Variants in E4F1 observed in about 807,000 individuals in gnomAD.
E4F1 encodes E4F transcription factor 1.
In E4F1, 30 loss-of-function variants were observed where a neutral mutation model predicts 72.9. The observed-to-expected ratio is 0.41, with a 90% CI of 0.31 to 0.56. The LOEUF (loss-of-function observed/expected upper bound fraction) is 0.56, where lower values mean the gene tolerates loss of function less well. E4F1 is among the 20% of genes least tolerant of loss of function. The probability of loss-of-function intolerance (pLI) is 0.25; values close to 1 mark genes in which losing one functional copy is unlikely to be tolerated. For synonymous variants in E4F1, 542 were observed against 478.2 expected (o/e 1.13, Z -1.74); for missense variants, 1,091 against 1,117.5 (o/e 0.98, Z 0.34).
chr16:2,234,099 T>G, intron 9 of E4F1, 72 bp from the exon 10 acceptor site: 1 of 1,574,974 alleles, frequency 6.3e-7, no homozygotes, highest in East Asian at 2.3e-5. Context: ...CCAGGGGATC[T>G]GTGGGCAGGT....
chr16:2,230,865 TG>T (rs1485875513), intron 3 of E4F1: 4 of 152,294 alleles, frequency 2.6e-5, no homozygotes, highest in Non-Finnish European at 4.4e-5. Flanking sequence ...TGGCGTCACC[TG>T]GGAGCATGAA....
At chr16:2,224,097 C>G (rs2093416370) in intron 1 of E4F1, among the ~76,000 whole-genome samples, 1 of 152,258 alleles carries the variant, frequency 6.6e-6, no homozygotes, top group Non-Finnish European at 1.5e-5. Context: ...GAGCCTGGCC[C>G]TCCCCTCCTC....
intron 8 of E4F1, 21 bp downstream of exon 8, chr16:2,233,668 CG>C: frequency 6.6e-7 from 1 of 1,524,680 alleles, no homozygotes; most frequent in Non-Finnish European, 8.8e-7. Flanking sequence ...GCACCACCTG[CG>C]GGCTCCTCCC....
intron 1 of E4F1, among the ~76,000 whole-genome samples, chr16:2,224,356 T>TG (rs2093418536): frequency 6.6e-6 from 1 of 152,222 alleles, no homozygotes; most frequent in African/African-American, 2.4e-5. Flanking sequence ...CCCTACAGAA[T>TG]GGGGCGGCGG....
At position 2,234,002 on chromosome 16, in the gene E4F1, G is replaced by T. The variant is rs775109020; in HGVS notation, c.1375+12G>T. On this transcript the variant is annotated intron_variant, in intron 9 of 13. Transcript: ENST00000301727. Reference sequence around the variant, plus strand: ...GAGGGGCCACACCGGTAGGTGATGGGTGGGTGTGTGGCCCATGGCAGTGGA... The same window carrying T: ...GAGGGGCCACACCGGTAGGTGATGGTTGGGTGTGTGGCCCATGGCAGTGGA... 1 of 1,575,100 alleles carries T rather than the reference G, an allele frequency of 6.3e-7. No homozygotes were observed.
At position 2,228,504 on chromosome 16, in the gene E4F1, C is replaced by T. The variant is rs1404338536; in HGVS notation, c.290C>T (p.Thr97Ile). 1.2e-6 allele frequency: 2 copies of T among 1,612,904 alleles called. No individual in the cohort carries two copies. The highest frequency in any genetic ancestry group is 2.2e-5 in the East Asian group (1 of 44,886). The change falls in exon 2 of 14, where the codon ACA (threonine) becomes ATA (isoleucine). Residue 97 changes from threonine (T) to isoleucine (I), a missense_variant. By Grantham distance (89) the Thr-to-Ile change is moderately conservative. Around this residue, in one of 5 missense-constraint regions of E4F1, gnomAD observed 362 missense variants for 358.6 expected, o/e 1.01. Coordinates refer to ENST00000301727, the MANE Select transcript of E4F1 (RefSeq NM_004424.5). ...PEALPATPAT[T>I]ALLGQEVVPA... is the part of the protein sequence containing the mutation. ...GCCCTGCCTGCCACCCCTGCCACCA[C>T]AGCGTTGCTGGGCCAGGAGGTGAGC...
rs2093476799 is a variant in E4F1 at position 2,232,860 on chromosome 16, T to C, written c.835T>C (p.Phe279Leu). The C allele has an allele frequency of 6.2e-7, 1 of 1,613,426 alleles. No homozygotes were observed. The highest frequency in any genetic ancestry group is 1.3e-5 in the African/African-American group (1 of 75,046). The change falls in exon 6 of 14, where the codon TTC (phenylalanine) becomes CTC (leucine). Residue 279 changes from phenylalanine (F) to leucine (L), a missense_variant. By Grantham distance (22) the Phe-to-Leu change is conservative. Coordinates refer to ENST00000301727, the MANE Select transcript of E4F1 (RefSeq NM_004424.5). ...SLTPCTEKIR[F>L]SVSKDVVVSK... Reference sequence around the variant, plus strand: ...CACCCCCTGCACAGAGAAAATCCGCTTCAGTGTGAGCAAGGACGTGGTTGT... The same window carrying C: ...CACCCCCTGCACAGAGAAAATCCGCCTCAGTGTGAGCAAGGACGTGGTTGT...
chr16:2,226,347 T>A (rs1343439075), intron 1 of E4F1, among the ~76,000 whole-genome samples: 1 of 152,162 alleles, frequency 6.6e-6, no homozygotes, highest in Non-Finnish European at 1.5e-5. Flanking sequence ...AGGGGGTTCT[T>A]CAGTGGCAAT....
intron 1 of E4F1, 178 bp downstream of exon 1, chr16:2,223,948 G>A: frequency 6.6e-7 from 1 of 1,525,430 alleles, no homozygotes; most frequent in Non-Finnish European, 8.8e-7. Flanking sequence ...CGACCCTCAC[G>A]GGCCTCTCCT....
chr16:2,225,134 G>A (rs2093423743), intron 1 of E4F1, among the ~76,000 whole-genome samples: 1 of 151,918 alleles, frequency 6.6e-6, no homozygotes, highest in Non-Finnish European at 1.5e-5. Flanking sequence ...AATTGCTTGA[G>A]CCCAGGAGAC....
rs865777136 is a variant in E4F1, at chr16:2,229,653, C to T, written c.393C>T (p.Ile131=). 3.1e-6 allele frequency: 5 copies of T among 1,613,044 alleles called. No homozygotes were observed. The highest frequency in any genetic ancestry group is 4.2e-6 in the Non-Finnish European group (5 of 1,179,972). ...AGGCGGCCTCTCTGGCAGCAGACATCAGCCACGCATCTGACCTTGTTGGTA... is the reference window on the plus strand; with the variant it reads ...AGGCGGCCTCTCTGGCAGCAGACATTAGCCACGCATCTGACCTTGTTGGTA... ...VVEAASLAAD[I]SHASDLVGGG... Residue 131 remains isoleucine, a synonymous_variant, in exon 3 of 14, where the codon ATC becomes ATT. Coordinates refer to ENST00000301727, the MANE Select transcript of E4F1 (RefSeq NM_004424.5).
chr16:2,223,639 T>C lies in E4F1; in HGVS notation c.26T>C (p.Val9Ala). 1.9e-6 allele frequency: 3 copies of C among 1,590,302 alleles called. No homozygotes were observed. The change falls in exon 1 of 14, where the codon GTG (valine) becomes GCG (alanine). Residue 9 changes from valine (V) to alanine (A), a missense_variant. This residue lies in a region of E4F1 where 362 missense variants were observed against 358.6 expected (regional missense o/e 1.01). Transcript: ENST00000301727. ...ATGGAGGGCGCGATGGCAGTGCGGG[T>C]GACGGCCGCTCATACGGCAGAAGCC... is the stretch of plus-strand genomic sequence containing the variant. The part of the protein sequence containing the change: MEGAMAVR[V>A]TAAHTAEAQA...
At position 2,223,741 on chromosome 16, in the gene E4F1, T is replaced by C. The variant is rs773807971; in HGVS notation, c.128T>C (p.Leu43Pro). ...GCGGCCTTGGCCCCCAGCGGCTTCC[T>C]CGGCCTCCCGGCGCCCTTCAGCGAG... ...VAAALAPSGF[L>P]GLPAPFSEED... Residue 43 changes from leucine to proline, a missense_variant, in exon 1 of 14, where the codon CTC (leucine) becomes CCC (proline). Physicochemically the swap from Leu to Pro is moderately conservative, Grantham distance 98 (BLOSUM62 -3). Around this residue, in one of 5 missense-constraint regions of E4F1, gnomAD observed 362 missense variants for 358.6 expected, o/e 1.01. Coordinates refer to ENST00000301727, the MANE Select transcript of E4F1 (RefSeq NM_004424.5). The C allele has an allele frequency of 2.1e-5, 32 of 1,535,894 alleles. No individual in the cohort carries two copies. The South Asian group carries it at 3.5e-4, about 17-fold the overall frequency.
At chr16:2,232,665 G>A in intron 5 of E4F1, 89 bp downstream of exon 5, 1 of 1,604,982 alleles carries the variant, frequency 6.2e-7, no homozygotes, top group Admixed American at 1.7e-5. Flanking sequence ...CAGCTTTGGG[G>A]GATGAGGCGG....
intron 1 of E4F1, among the ~76,000 whole-genome samples, chr16:2,225,933 A>T (rs2093429754): frequency 6.6e-6 from 1 of 152,104 alleles, no homozygotes; most frequent in Admixed American, 6.5e-5. Flanking sequence ...TCTTACTAAA[A>T]ATACAAAAAA....
intron 1 of E4F1, among the ~76,000 whole-genome samples, chr16:2,225,322 C>G (rs371173319): frequency 8.6e-5 from 13 of 151,906 alleles, no homozygotes; most frequent in African/African-American, 3.1e-4. Context: ...GGGTCTGTAC[C>G]CTCTGAGCTT....
At position 2,234,787 on chromosome 16, in the gene E4F1, G is replaced by T; in HGVS notation, c.1792+6G>T. On this transcript the variant is annotated splice_donor_region_variant and intron_variant, in intron 11 of 13. Transcript: ENST00000301727. Reference sequence around the variant, plus strand: ...CCGGCACCTGCGCACCAAAGGTCTGGGCCGGTGGAGGTGGGAGGGGGAGGG... The same window carrying T: ...CCGGCACCTGCGCACCAAAGGTCTGTGCCGGTGGAGGTGGGAGGGGGAGGG... 6.5e-7 allele frequency: 1 copy of T among 1,546,388 alleles called. No individual in the cohort carries two copies. The highest frequency in any genetic ancestry group is 1.2e-5 in the South Asian group (1 of 83,920).
At position 2,234,218 on chromosome 16, in the gene E4F1, G is replaced by A; in HGVS notation, c.1423G>A (p.Ala475Thr). Residue 475 changes from alanine (A) to threonine (T), a missense_variant, in exon 10 of 14, where the codon GCC becomes ACC. Ala to Thr is a moderately conservative substitution (Grantham distance 58). Transcript: ENST00000301727. ...GCAGTGTGGCAAGGCCTTCCCCAAGGCCTACCTGCTCAAGAAGCACCAGGA... is the reference window on the plus strand; with the variant it reads ...GCAGTGTGGCAAGGCCTTCCCCAAGACCTACCTGCTCAAGAAGCACCAGGA... ...CAQCGKAFPK[A>T]YLLKKHQEVH... 1.2e-6 allele frequency: 2 copies of A among 1,612,752 alleles called. No individual in the cohort carries two copies.
chr16:2,229,758 C>A, intron 3 of E4F1, 83 bp downstream of exon 3: 2 of 1,451,462 alleles, frequency 1.4e-6, no homozygotes, highest in Non-Finnish European at 1.9e-6. Flanking sequence ...CCTGTATGCT[C>A]GTCTCTCCCG....
Sources: allele counts gnomAD v4.1 joint callset (sites outside exome capture counted in the v4.1 genomes callset), GRCh38; gene constraint gnomAD v4.1.1; regional missense constraint gnomAD v4.1.1; transcripts MANE v1.5; gene names NCBI Gene and HGNC (gene_info 2026-07-23, HGNC 2026-07-21).